Variants in TNR observed in about 807,000 individuals in gnomAD.
The protein encoded by TNR is tenascin R.
In TNR, 45 loss-of-function variants were observed where a neutral mutation model predicts 150.4. That is an observed-to-expected ratio of 0.30 (90% confidence interval 0.24 to 0.38). The LOEUF is 0.38. Ranked by LOEUF, TNR falls within the 10% of genes least tolerant of loss-of-function variation. The pLI, the probability that TNR is intolerant of heterozygous loss-of-function variation, is 1.00. For missense variants in TNR, 1,544 were observed against 1,759.1 expected (o/e 0.88, Z 2.19); for synonymous variants, 687 against 678.4 (o/e 1.01, Z -0.20).
At chr1:175,597,330 A>ACAG (rs1270206566) in intron 1 of TNR, among the ~76,000 whole-genome samples, 1 of 152,162 alleles carries the variant, frequency 6.6e-6, no homozygotes, top group East Asian at 1.9e-4. Flanking sequence ...CACGTGAGGA[A>ACAG]CAGCATCTCC....
At position 175,315,812 on chromosome 1, in the gene TNR, A is replaced by ATGTGTG. The variant is rs3030866; in HGVS notation, c.*7539_*7544dup. 817 of 146,956 alleles carry ATGTGTG rather than the reference A, an allele frequency of 5.6e-3. 6 individuals carry two copies. The highest frequency in any genetic ancestry group is 0.018 in the African/African-American group (733 of 39,866). 9.1% of individuals were successfully genotyped at this position (146,956 alleles called of 1,614,324 possible). A position where few individuals can be genotyped will look rare whatever the true frequency, so the allele number is the denominator to read the frequency against. On this transcript the variant is annotated 3_prime_UTR_variant, in exon 23 of 23. Transcript: ENST00000367674. ...TGTGTGCATGCATGTGTGTGTGTGC[A>ATGTGTG]TGTGTGTGTGTGTGTGTGTGTGTGT...
intron 21 of TNR, among the ~76,000 whole-genome samples, chr1:175,325,189 TA>T (rs1325114963): frequency 1.4e-4 from 21 of 152,242 alleles, no homozygotes; most frequent in Middle Eastern, 3.4e-3. Flanking sequence ...AGAAAAAAAT[TA>T]AATAAATTCT....
chr1:175,557,307 A>G (rs1331154258), intron 1 of TNR, among the ~76,000 whole-genome samples: 1 of 152,206 alleles, frequency 6.6e-6, no homozygotes, highest in Admixed American at 6.5e-5. Context: ...GTGGTATGAT[A>G]ATGTGTGTTG....
At chr1:175,590,019 C>A (rs1030634073) in intron 1 of TNR, among the ~76,000 whole-genome samples, 4 of 152,086 alleles carry the variant, frequency 2.6e-5, no homozygotes, top group African/African-American at 9.7e-5. Flanking sequence ...AAGACAGAAT[C>A]AGTATTTCTG....
At position 175,321,182 on chromosome 1, in the gene TNR, C is replaced by A. The variant is rs1337373489; in HGVS notation, c.*2175G>T. On this transcript the variant is annotated 3_prime_UTR_variant, in exon 23 of 23. Coordinates refer to ENST00000367674, the MANE Select transcript of TNR (RefSeq NM_003285.3). ...ATCTGTTTCTGTTTTTTCCTCCTCC[C>A]AGTTTGTTGAAGCCCATGGTTAACT... 6.6e-6 allele frequency: 1 copy of A among 152,202 alleles called. No homozygotes were observed. The highest frequency in any genetic ancestry group is 1.5e-5 in the Non-Finnish European group (1 of 68,074). 9.4% of individuals were successfully genotyped at this position (152,202 alleles called of 1,614,324 possible).
At chr1:175,728,884 A>C (rs1667550451) in intron 1 of TNR, among the ~76,000 whole-genome samples, 1 of 152,210 alleles carries the variant, frequency 6.6e-6, no homozygotes, top group African/African-American at 2.4e-5. Context: ...CCTCCTACTT[A>C]AGGAACAGAA....
intron 1 of TNR, among the ~76,000 whole-genome samples, chr1:175,697,641 C>T (rs1666571945): frequency 6.6e-6 from 1 of 152,194 alleles, no homozygotes; most frequent in Admixed American, 6.5e-5. Flanking sequence ...GACCTTTCCC[C>T]TCACCTGAGA....
chr1:175,675,066 G>A (rs1665818427), intron 1 of TNR, among the ~76,000 whole-genome samples: 1 of 152,164 alleles, frequency 6.6e-6, no homozygotes, highest in Admixed American at 6.5e-5. Context: ...AGGGTGAGGT[G>A]GGGACTCTGA....
At chr1:175,559,863 T>C (rs35266764) in intron 1 of TNR, among the ~76,000 whole-genome samples, 20,375 of 152,152 alleles carry the variant, frequency 0.13, 1,563 homozygotes, top group Admixed American at 0.2. Flanking sequence ...GCTCCACCAG[T>C]CATTGCCTAG....
chr1:175,514,885 T>G (rs1367910492), intron 2 of TNR, among the ~76,000 whole-genome samples: 1 of 152,174 alleles, frequency 6.6e-6, no homozygotes, highest in Admixed American at 6.5e-5. Flanking sequence ...GAAGGCAACA[T>G]GGTCACCACA....
At chr1:175,584,664 C>T (rs546837950) in intron 1 of TNR, among the ~76,000 whole-genome samples, 1 of 152,284 alleles carries the variant, frequency 6.6e-6, no homozygotes, top group South Asian at 2.1e-4. Context: ...CTTTATGACT[C>T]TGGGCTCAAG....
intron 1 of TNR, among the ~76,000 whole-genome samples, chr1:175,700,376 G>A (rs143797769): frequency 5.8e-4 from 89 of 152,244 alleles, no homozygotes; most frequent in Non-Finnish European, 5.4e-4. Context: ...TTGTAGCTAC[G>A]GGACCAAGCT....
chr1:175,409,667 G>A (rs981452688), intron 2 of TNR, among the ~76,000 whole-genome samples: 5 of 152,080 alleles, frequency 3.3e-5, no homozygotes, highest in Non-Finnish European at 7.4e-5. Context: ...ATCACTTCTA[G>A]GTGCCTGGGA....
At chr1:175,491,359 G>A (rs2102139227) in intron 2 of TNR, among the ~76,000 whole-genome samples, 1 of 152,212 alleles carries the variant, frequency 6.6e-6, no homozygotes, top group Middle Eastern at 3.4e-3. Flanking sequence ...CCTAACACAT[G>A]TACCCCTGAA....
intron 2 of TNR, among the ~76,000 whole-genome samples, chr1:175,415,480 T>C (rs1265294995): frequency 6.6e-6 from 1 of 152,256 alleles, no homozygotes; most frequent in Non-Finnish European, 1.5e-5. Context: ...GCCTGGGTGC[T>C]GCCTCCCACT....
chr1:175,397,431 A>T (rs1653486133), intron 4 of TNR, among the ~76,000 whole-genome samples: 1 of 152,238 alleles, frequency 6.6e-6, no homozygotes, highest in Admixed American at 6.5e-5. Context: ...TAGGTATTTA[A>T]CAGCACACCA....
chr1:175,515,226 T>C (rs1421832113), intron 2 of TNR, among the ~76,000 whole-genome samples: 1 of 152,238 alleles, frequency 6.6e-6, no homozygotes, highest in African/African-American at 2.4e-5. Context: ...TTGCTATGCA[T>C]CTACCCTATG....
chr1:175,449,281 T>C (rs555113000), intron 2 of TNR, among the ~76,000 whole-genome samples: 2 of 152,294 alleles, frequency 1.3e-5, no homozygotes, highest in African/African-American at 4.8e-5. Context: ...CAAACACATA[T>C]GCATGCATGT....
intron 1 of TNR, among the ~76,000 whole-genome samples, chr1:175,592,155 T>C (rs1662825920): frequency 6.6e-6 from 1 of 152,236 alleles, no homozygotes; most frequent in South Asian, 2.1e-4. Flanking sequence ...GGAATAATAA[T>C]ATCTATATTA....
Sources: allele counts gnomAD v4.1 joint callset (sites outside exome capture counted in the v4.1 genomes callset), GRCh38; gene constraint gnomAD v4.1.1; transcripts MANE v1.5; gene names NCBI Gene and HGNC (gene_info 2026-07-23, HGNC 2026-07-21).